The following MTM1 variants were observed in gnomAD, a reference collection of about 807,000 sequenced individuals.
MTM1 encodes myotubularin 1.
In MTM1, 9 loss-of-function variants were observed where a neutral mutation model predicts 52.1. The observed-to-expected ratio is 0.17, with a 90% CI of 0.10 to 0.30. MTM1 has a LOEUF of 0.30. Among genes scored for constraint, MTM1 ranks in the 10% least tolerant of loss-of-function variants. The probability of loss-of-function intolerance (pLI) is 1.00; values close to 1 mark genes in which losing one functional copy is unlikely to be tolerated. For synonymous variants in MTM1, 136 were observed against 163.8 expected, an observed-to-expected ratio of 0.83 and a Z score of 1.29; for missense variants, 277 against 470.7, an observed-to-expected ratio of 0.59 and a Z score of 3.81.
At chrX:150,589,420 C>T (rs2038845583) in intron 1 of MTM1, among the ~76,000 whole-genome samples, 1 of 111,852 alleles carries the variant, frequency 8.9e-6, no homozygotes, top group Admixed American at 9.5e-5. Context: ...ACGGAATCAA[C>T]TTTTAATTTT....
chrX:150,579,964 C>T (rs185435366), intron 1 of MTM1, among the ~76,000 whole-genome samples: 2 of 111,318 alleles, frequency 1.8e-5, no homozygotes, highest in Non-Finnish European at 3.8e-5. Context: ...ATTATGTTGT[C>T]TGTAAATACA....
intron 4 of MTM1, among the ~76,000 whole-genome samples, chrX:150,613,151 AGGG>A (rs1315484087): frequency 9.6e-6 from 1 of 104,443 alleles, no homozygotes; most frequent in Admixed American, 1.0e-4. Flanking sequence ...AAAAAAAAAA[AGGG>A]GGGAAAGAAA....
At chrX:150,564,740 G>A (rs183569440), upstream of MTM1, among the ~76,000 whole-genome samples, 9,316 of 111,832 alleles carry the variant, frequency 0.083, 344 homozygotes, top group Non-Finnish European at 0.11. Context: ...TTTTGTGAAC[G>A]TATGTTTCCA....
chrX:150,645,079 G>C (rs1785924537), intron 8 of MTM1, among the ~76,000 whole-genome samples: 1 of 111,938 alleles, frequency 8.9e-6, no homozygotes, highest in African/African-American at 3.2e-5. Context: ...TGTGTATAAA[G>C]TTAGAGAAGA....
At chrX:150,639,559 C>T (rs2039814007) in intron 7 of MTM1, among the ~76,000 whole-genome samples, 1 of 112,357 alleles carries the variant, frequency 8.9e-6, no homozygotes, top group Non-Finnish European at 1.9e-5. Context: ...ATGTCACCTA[C>T]ATGCATGTTT....
intron 2 of MTM1, among the ~76,000 whole-genome samples, chrX:150,593,239 C>G (rs1403085445): frequency 8.9e-6 from 1 of 112,334 alleles, no homozygotes; most frequent in South Asian, 3.7e-4. Flanking sequence ...ACCTCTGTCT[C>G]GTGAAATTAC....
At chrX:150,569,643 C>A (rs990033081) in intron 1 of MTM1, among the ~76,000 whole-genome samples, 1 of 111,673 alleles carries the variant, frequency 9.0e-6, no homozygotes, top group Non-Finnish European at 1.9e-5. Flanking sequence ...CAAGCCAGCT[C>A]TTTGGGGGTA....
chrX:150,591,966 C>T (rs1324669281), intron 1 of MTM1, among the ~76,000 whole-genome samples: 6 of 112,305 alleles, frequency 5.3e-5, no homozygotes, highest in South Asian at 7.3e-4. Flanking sequence ...TAAATCCTTG[C>T]GTTAAAATGG....
At chrX:150,582,426 C>T (rs1259464118) in intron 1 of MTM1, among the ~76,000 whole-genome samples, 3 of 111,667 alleles carry the variant, frequency 2.7e-5, no homozygotes, top group Non-Finnish European at 5.6e-5. Context: ...TGTAGCCAAC[C>T]TCCTGCCTAT....
At chrX:150,587,682 C>G (rs1439925677) in intron 1 of MTM1, among the ~76,000 whole-genome samples, 1 of 111,067 alleles carries the variant, frequency 9.0e-6, no homozygotes, top group Admixed American at 9.6e-5. Flanking sequence ...TCCTAGGTGG[C>G]CTACAATCCA....
chrX:150,607,048 G>A (rs2039180274), intron 4 of MTM1, among the ~76,000 whole-genome samples: 1 of 101,623 alleles, frequency 9.8e-6, no homozygotes, highest in Non-Finnish European at 2.0e-5. Flanking sequence ...GCGTGATCTC[G>A]GCTCACCGCA....
chrX:150,610,298 A>G (rs1462760013), intron 4 of MTM1, among the ~76,000 whole-genome samples: 3 of 111,414 alleles, frequency 2.7e-5, no homozygotes, highest in African/African-American at 9.8e-5. Context: ...TCTCCCAGAT[A>G]GAGCTAGGCC....
At chrX:150,603,793 A>AT (rs1461668106) in intron 4 of MTM1, among the ~76,000 whole-genome samples, 8 of 112,039 alleles carry the variant, frequency 7.1e-5, no homozygotes, top group Non-Finnish European at 1.1e-4. Flanking sequence ...TAAAGACCAC[A>AT]GACATTCATG....
chrX:150,564,382 T>G (rs1245753735), upstream of MTM1, among the ~76,000 whole-genome samples: 1 of 110,865 alleles, frequency 9.0e-6, no homozygotes, highest in South Asian at 3.7e-4. Context: ...TACTATTTTT[T>G]ATTATTATTA....
At chrX:150,625,784 G>A (rs187755064) in intron 6 of MTM1, among the ~76,000 whole-genome samples, 41 of 112,400 alleles carry the variant, frequency 3.6e-4, no homozygotes, top group South Asian at 2.2e-3. Flanking sequence ...ATATAGTTGC[G>A]AAATTTTTGT....
chrX:150,645,642 T>C, intron 8 of MTM1, 41 bp from the exon 9 acceptor site: 1 of 1,155,822 alleles, frequency 8.7e-7, no homozygotes, highest in South Asian at 1.8e-5. Flanking sequence ...TGCTTGGAGA[T>C]TTGCTTTCTT....
intron 1 of MTM1, among the ~76,000 whole-genome samples, chrX:150,586,471 A>G (rs1317743182): frequency 4.5e-5 from 5 of 111,403 alleles, no homozygotes; most frequent in Non-Finnish European, 7.5e-5. Flanking sequence ...TTTGAAGGTA[A>G]ACTACTGTAA....
At chrX:150,572,687 C>A (rs1462211535) in intron 1 of MTM1, among the ~76,000 whole-genome samples, 12 of 112,033 alleles carry the variant, frequency 1.1e-4, no homozygotes, top group African/African-American at 3.9e-4. Context: ...GAGACCTGAC[C>A]GCAGCTCCTG....
At chrX:150,571,623 A>G (rs1209323575) in intron 1 of MTM1, among the ~76,000 whole-genome samples, 1 of 112,590 alleles carries the variant, frequency 8.9e-6, no homozygotes, top group African/African-American at 3.2e-5. Context: ...AAGAAAATAC[A>G]TTATTCTAGC....
Sources: allele counts gnomAD v4.1 joint callset (sites outside exome capture counted in the v4.1 genomes callset), GRCh38; gene constraint gnomAD v4.1.1; transcripts MANE v1.5; gene names NCBI Gene and HGNC (gene_info 2026-07-23, HGNC 2026-07-21).